RSU1: variants seen among roughly 807,000 people sequenced by gnomAD.
The protein encoded by RSU1 is Ras suppressor protein 1, also known as rsu-1.
A neutral mutation model predicts 31.1 loss-of-function variants in RSU1; 26 were observed. The observed-to-expected ratio is 0.84, with a 90% confidence interval of 0.61 to 1.16. RSU1 has a LOEUF of 1.16. RSU1 is among the 50% of genes most tolerant of loss of function. The pLI, the probability that RSU1 is intolerant of heterozygous loss-of-function variation, is 0.00. For synonymous variants in RSU1, 164 were observed against 136.3 expected (o/e 1.20, Z -1.41); for missense variants, 320 against 339.1 (o/e 0.94, Z 0.44).
At chr10:16,611,312 A>G (rs1303972958) in intron 8 of RSU1, among the ~76,000 whole-genome samples, 1 of 152,160 alleles carries the variant, frequency 6.6e-6, no homozygotes, top group African/African-American at 2.4e-5. Flanking sequence ...GGCCAGGAGG[A>G]GGGACGTCCC....
intron 7 of RSU1, among the ~76,000 whole-genome samples, chr10:16,710,224 GA>G (rs1468449513): frequency 6.6e-6 from 1 of 152,120 alleles, no homozygotes; most frequent in East Asian, 1.9e-4. Context: ...AAAGAATGTT[GA>G]AGGATGTCAA....
intron 2 of RSU1, among the ~76,000 whole-genome samples, chr10:16,784,023 C>T (rs561051012): frequency 2.4e-4 from 36 of 152,184 alleles, no homozygotes; most frequent in Admixed American, 2.0e-3. Context: ...CCTTGACTTT[C>T]GTGACCTTGG....
At chr10:16,776,876 G>A (rs11254176) in intron 3 of RSU1, among the ~76,000 whole-genome samples, 2,725 of 148,622 alleles carry the variant, frequency 0.018, 60 homozygotes, top group East Asian at 0.11. Flanking sequence ...TTGTAAAGAT[G>A]AGATGGCCAT....
chr10:16,740,920 C>A (rs1836737070), intron 7 of RSU1, among the ~76,000 whole-genome samples: 1 of 152,040 alleles, frequency 6.6e-6, no homozygotes, highest in Non-Finnish European at 1.5e-5. Flanking sequence ...GCAATTTCTA[C>A]CAAAACACAA....
chr10:16,665,973 A>G (rs1265705667), intron 8 of RSU1, among the ~76,000 whole-genome samples: 1 of 152,238 alleles, frequency 6.6e-6, no homozygotes, highest in East Asian at 1.9e-4. Context: ...TGAACCTGAA[A>G]TATATTTTTA....
At chr10:16,730,070 G>C (rs557499689) in intron 7 of RSU1, among the ~76,000 whole-genome samples, 2 of 152,200 alleles carry the variant, frequency 1.3e-5, no homozygotes, top group Non-Finnish European at 2.9e-5. Context: ...GCTCAAGGCA[G>C]AAGGGGAAGG....
intron 7 of RSU1, among the ~76,000 whole-genome samples, chr10:16,697,812 T>C (rs896015048): frequency 1.3e-5 from 2 of 152,140 alleles, no homozygotes; most frequent in East Asian, 1.9e-4. Context: ...AGTGAGTATT[T>C]TCCCCTAAAT....
chr10:16,746,408 T>C (rs1024803826), intron 7 of RSU1, among the ~76,000 whole-genome samples: 13 of 152,028 alleles, frequency 8.6e-5, no homozygotes, highest in African/African-American at 3.1e-4. Flanking sequence ...TTCCCTCTTC[T>C]CCAAAGGCAA....
At chr10:16,757,633 A>G (rs1162665057) in intron 4 of RSU1, among the ~76,000 whole-genome samples, 1 of 152,218 alleles carries the variant, frequency 6.6e-6, no homozygotes, top group Non-Finnish European at 1.5e-5. Flanking sequence ...TGAGATGAAA[A>G]AACAGCCTAA....
At chr10:16,733,793 T>A (rs1280573642) in intron 7 of RSU1, among the ~76,000 whole-genome samples, 7 of 152,222 alleles carry the variant, frequency 4.6e-5, no homozygotes, top group African/African-American at 1.2e-4. Flanking sequence ...ACAAGCTGAA[T>A]CTTTTGGTCA....
Position 16,593,225 on chromosome 10 carries a change from C to T in RSU1, c.*169G>A, listed in dbSNP as rs1833541511. ...TTAAAGACCTTATAACAATCTCCCA[C>T]CTAGCAAAAGAATCTAAAAGGTAAG... is the stretch of plus-strand genomic sequence containing the variant. On this transcript the variant is annotated 3_prime_UTR_variant, in exon 9 of 9. Transcript: ENST00000345264. The T allele has an allele frequency of 2.3e-6, 3 of 1,301,050 alleles. No homozygotes were observed. Among genetic ancestry groups the T allele is most frequent in the Non-Finnish European group, 3.1e-6 (3 of 979,614 alleles). 80.6% of individuals were successfully genotyped at this position (1,301,050 alleles called of 1,614,324 possible).
chr10:16,766,403 G>A (rs1837315638), intron 3 of RSU1, among the ~76,000 whole-genome samples: 1 of 152,180 alleles, frequency 6.6e-6, no homozygotes, highest in Non-Finnish European at 1.5e-5. Context: ...GGTATTCACT[G>A]TGTGTAAGGG....
At chr10:16,629,105 G>A (rs1588682681) in intron 8 of RSU1, among the ~76,000 whole-genome samples, 1 of 152,142 alleles carries the variant, frequency 6.6e-6, no homozygotes, top group African/African-American at 2.4e-5. Context: ...GAGTCTGCCT[G>A]GGAGCCTGCT....
chr10:16,695,051 C>CA lies in RSU1; in HGVS notation c.702dup (p.Glu235Ter). Reference sequence around the variant, plus strand: ...TTGTATGTCTCAGAACGGATATACTCAAAAACATGGGACACGCCAAGCTGG... The same window carrying CA: ...TTGTATGTCTCAGAACGGATATACTCAAAAAACATGGGACACGCCAAGCTGG... On this transcript the variant is annotated frameshift_variant, in exon 8 of 9. Transcript: ENST00000345264. LOFTEE classifies it high-confidence loss of function. 6.2e-7 allele frequency: 1 copy of CA among 1,612,324 alleles called. No individual in the cohort carries two copies. Among genetic ancestry groups the CA allele is most frequent in the Non-Finnish European group, 8.5e-7 (1 of 1,179,300 alleles).
Position 16,817,030 on chromosome 10 carries a change from G to A in RSU1, c.52C>T (p.Pro18Ser), listed in dbSNP as rs768209034. Residue 18 changes from proline (P) to serine (S), a missense_variant, in exon 2 of 9, where the codon CCC (proline) becomes TCC (serine). Pro to Ser is a moderately conservative substitution (Grantham distance 74). Coordinates refer to ENST00000345264, the MANE Select transcript of RSU1 (RefSeq NM_012425.4). Reference protein sequence around the residue: ...LVEESREKNQPEVDMSDRGIS... With the variant: ...LVEESREKNQSEVDMSDRGIS... Reference sequence around the variant, plus strand: ...CCCCGGTCACTCATGTCCACCTCGGGCTGGTTCTTCTCCCGGCTCTCCTCC... The same window carrying A: ...CCCCGGTCACTCATGTCCACCTCGGACTGGTTCTTCTCCCGGCTCTCCTCC... 17 of 1,614,100 alleles carry A rather than the reference G, an allele frequency of 1.1e-5. No homozygotes were observed. Among genetic ancestry groups the A allele is most frequent in the Non-Finnish European group, 1.4e-5 (16 of 1,180,024 alleles).
chr10:16,764,392 A>C lies in RSU1; in HGVS notation c.279T>G (p.Leu93=). Residue 93 remains leucine, a splice_region_variant and synonymous_variant, in exon 4 of 9, where the codon CTT becomes CTG. Transcript: ENST00000345264. ...SSLQKLKHLN[L]GMNRLNTLPR... ...CTTTCCGCTCCACTGATACTCACCC[A>C]AGGTTCAGGTGTTTGAGTTTCTGAA... 6.2e-7 allele frequency: 1 copy of C among 1,610,992 alleles called. No individual in the cohort carries two copies. Among genetic ancestry groups the C allele is most frequent in the Non-Finnish European group, 8.5e-7 (1 of 1,178,438 alleles).
At chr10:16,734,672 A>G (rs1471890635) in intron 7 of RSU1, among the ~76,000 whole-genome samples, 1 of 152,256 alleles carries the variant, frequency 6.6e-6, no homozygotes, top group Non-Finnish European at 1.5e-5. Flanking sequence ...GAATGATGAC[A>G]TGAATAAGCA....
At chr10:16,726,916 T>C in intron 7 of RSU1, 1 of 386,110 alleles carries the variant, frequency 2.6e-6, no homozygotes, top group South Asian at 1.9e-5. Context: ...CAGAAGGGCG[T>C]TGCATATGGT....
rs1363015030 is a variant in RSU1, at chr10:16,593,367, G to T, written c.*27C>A. The T allele has an allele frequency of 1.2e-6, 2 of 1,614,036 alleles. No individual in the cohort carries two copies. Among genetic ancestry groups the T allele is most frequent in the Non-Finnish European group, 1.7e-6 (2 of 1,179,960 alleles). ...GAAGTGTTGGAGAGAGAAGGTGCTG[G>T]AAGGCCAGCCGATGCCAATCCCTTC... On this transcript the variant is annotated 3_prime_UTR_variant, in exon 9 of 9. Coordinates refer to ENST00000345264, the MANE Select transcript of RSU1 (RefSeq NM_012425.4).
Sources: gnomAD v4.1 joint callset for allele counts (sites outside exome capture counted in the v4.1 genomes callset) on GRCh38, gnomAD v4.1.1 for gene constraint, MANE v1.5 for transcripts, NCBI Gene and HGNC (gene_info 2026-07-23, HGNC 2026-07-21) for gene names.